The following MKLN1 variants were observed in gnomAD, a reference collection of about 807,000 sequenced individuals.
MKLN1 encodes the protein muskelin.
In MKLN1, 18 loss-of-function variants were observed where a neutral mutation model predicts 99.0. The ratio of observed to expected loss-of-function variants is 0.18; its 90% CI spans 0.13 to 0.27. MKLN1 has a LOEUF of 0.27. Among genes scored for constraint, MKLN1 ranks in the 10% least tolerant of loss-of-function variants. MKLN1 has a pLI of 1.00. For synonymous variants in MKLN1, 288 were observed against 293.2 expected, an observed-to-expected ratio of 0.98 and a Z score of 0.18; for missense variants, 621 against 875.9, an observed-to-expected ratio of 0.71 and a Z score of 3.67.
chr7:131,344,703 T>C (rs980222456), intron 1 of MKLN1, among the ~76,000 whole-genome samples: 2 of 152,276 alleles, frequency 1.3e-5, no homozygotes, highest in African/African-American at 4.8e-5. Flanking sequence ...CCAGCAGTAT[T>C]GTTATTGCTG....
At chr7:131,454,990 T>C (rs1796291966) in intron 12 of MKLN1, among the ~76,000 whole-genome samples, 1 of 152,228 alleles carries the variant, frequency 6.6e-6, no homozygotes, top group Non-Finnish European at 1.5e-5. Flanking sequence ...ATGAGCTAAT[T>C]AATCTACTGT....
intron 8 of MKLN1, among the ~76,000 whole-genome samples, chr7:131,427,431 T>G (rs1022224040): frequency 4.6e-5 from 7 of 152,214 alleles, no homozygotes; most frequent in Non-Finnish European, 8.8e-5. Flanking sequence ...AGTACATGAC[T>G]TTACAGTTTT....
chr7:131,120,544 C>A, intron 1 of MKLN1, among the ~76,000 whole-genome samples: 1 of 34,496 alleles, frequency 2.9e-5, no homozygotes, highest in Non-Finnish European at 5.3e-5. Flanking sequence ...GCAAGACTCC[C>A]TCTCAAAAAA....
At chr7:131,465,793 C>A (rs1425885494) in intron 14 of MKLN1, among the ~76,000 whole-genome samples, 1 of 152,152 alleles carries the variant, frequency 6.6e-6, no homozygotes, top group Non-Finnish European at 1.5e-5. Flanking sequence ...CCTGCCTCGG[C>A]CTCCCAAAGT....
At chr7:131,143,818 A>C (rs1393846985) in intron 2 of MKLN1, among the ~76,000 whole-genome samples, 1 of 152,186 alleles carries the variant, frequency 6.6e-6, no homozygotes, top group Non-Finnish European at 1.5e-5. Flanking sequence ...ACAGAGCAAG[A>C]CCTTATCTCA....
At chr7:131,174,308 C>T (rs1418356524) in intron 2 of MKLN1, among the ~76,000 whole-genome samples, 1 of 152,140 alleles carries the variant, frequency 6.6e-6, no homozygotes, top group Non-Finnish European at 1.5e-5. Context: ...TCCCTCACTC[C>T]ACCGTTTCCT....
intron 2 of MKLN1, 106 bp downstream of exon 2, chr7:131,375,599 A>G: frequency 1.4e-6 from 1 of 694,620 alleles, no homozygotes; most frequent in South Asian, 2.3e-5. Flanking sequence ...TCTCTTTTTG[A>G]GATTGTGAGG....
intron 2 of MKLN1, among the ~76,000 whole-genome samples, chr7:131,161,643 C>T (rs948574278): frequency 2.0e-5 from 3 of 152,104 alleles, no homozygotes; most frequent in African/African-American, 7.2e-5. Flanking sequence ...GCTCCGCCTT[C>T]CGGGTTCAGG....
chr7:131,427,321 C>T (rs985130480), intron 8 of MKLN1, among the ~76,000 whole-genome samples: 6 of 152,170 alleles, frequency 3.9e-5, no homozygotes, highest in Non-Finnish European at 8.8e-5. Context: ...AAATAGTCTT[C>T]TAGCATTTCC....
At chr7:131,293,485 T>C (rs975813890) in intron 3 of MKLN1, among the ~76,000 whole-genome samples, 11 of 152,144 alleles carry the variant, frequency 7.2e-5, no homozygotes, top group Non-Finnish European at 1.0e-4. Context: ...TGAGAGACAT[T>C]CTGCAAAACA....
intron 3 of MKLN1, among the ~76,000 whole-genome samples, chr7:131,302,179 T>G (rs1413969125): frequency 6.6e-6 from 1 of 152,242 alleles, no homozygotes; most frequent in Non-Finnish European, 1.5e-5. Context: ...CCTTTCTGAA[T>G]GCTCCATGTA....
At chr7:131,137,287 A>G (rs1226670204) in intron 1 of MKLN1, among the ~76,000 whole-genome samples, 2 of 152,042 alleles carry the variant, frequency 1.3e-5, no homozygotes, top group Non-Finnish European at 2.9e-5. Flanking sequence ...GAAAAATGTT[A>G]CCCCCCAAAT....
At chr7:131,236,976 G>A (rs114842030) in intron 3 of MKLN1, among the ~76,000 whole-genome samples, 2,092 of 152,180 alleles carry the variant, frequency 0.014, 47 homozygotes, top group African/African-American at 0.047. Context: ...GTGACAGAGC[G>A]AGACTCTGTC....
At chr7:131,187,249 T>A (rs553892332) in intron 2 of MKLN1, among the ~76,000 whole-genome samples, 4 of 152,154 alleles carry the variant, frequency 2.6e-5, no homozygotes, top group African/African-American at 7.2e-5. Context: ...CTGGTACAAA[T>A]GCTATATACT....
intron 2 of MKLN1, among the ~76,000 whole-genome samples, chr7:131,167,948 T>C (rs1796149780): frequency 6.6e-6 from 1 of 152,170 alleles, no homozygotes; most frequent in Non-Finnish European, 1.5e-5. Context: ...ATTTCACGTA[T>C]CTTTAAATAT....
At chr7:131,266,010 C>G (rs963808285) in intron 3 of MKLN1, among the ~76,000 whole-genome samples, 2 of 151,966 alleles carry the variant, frequency 1.3e-5, no homozygotes, top group African/African-American at 4.8e-5. Context: ...CCTATCTCTA[C>G]TAACAACACA....
At chr7:131,303,411 T>G (rs1249068906) in intron 3 of MKLN1, among the ~76,000 whole-genome samples, 1 of 152,262 alleles carries the variant, frequency 6.6e-6, no homozygotes, top group Non-Finnish European at 1.5e-5. Context: ...TACTTTCTCC[T>G]GGAAAATAAA....
chr7:131,372,201 T>C (rs1414135064), intron 1 of MKLN1, among the ~76,000 whole-genome samples: 1 of 152,064 alleles, frequency 6.6e-6, no homozygotes, highest in African/African-American at 2.4e-5. Context: ...AGGTTTTCCT[T>C]CATGCTTTAT....
intron 3 of MKLN1, among the ~76,000 whole-genome samples, chr7:131,210,176 T>C (rs1157237979): frequency 1.3e-5 from 2 of 152,202 alleles, no homozygotes; most frequent in African/African-American, 2.4e-5. Context: ...TCTTCCTTTC[T>C]CCAATGGAAT....
Sources: gnomAD v4.1 joint callset for allele counts (sites outside exome capture counted in the v4.1 genomes callset) on GRCh38, gnomAD v4.1.1 for gene constraint, MANE v1.5 for transcripts, NCBI Gene and HGNC (gene_info 2026-07-23, HGNC 2026-07-21) for gene names.